The following PALM2AKAP2 variants were observed in gnomAD, a reference collection of about 807,000 sequenced individuals.
PALM2AKAP2 encodes PALM2-AKAP2 fusion protein.
A neutral mutation model predicts 71.5 loss-of-function variants in PALM2AKAP2; 37 were observed. That is an observed-to-expected ratio of 0.52 (90% CI 0.40 to 0.68). The LOEUF is 0.68. Among genes scored for constraint, PALM2AKAP2 ranks in the 30% least tolerant of loss-of-function variants. PALM2AKAP2 has a pLI of 0.00. For missense variants in PALM2AKAP2, 1,224 were observed against 1,191.8 expected, an observed-to-expected ratio of 1.03 and a Z score of -0.40; for synonymous variants, 468 against 478.8, an observed-to-expected ratio of 0.98 and a Z score of 0.29.
intron 1 of PALM2AKAP2, among the ~76,000 whole-genome samples, chr9:109,831,243 C>T (rs933667896): frequency 1.3e-5 from 2 of 151,902 alleles, no homozygotes; most frequent in African/African-American, 4.8e-5. Context: ...CTCCCTCCCA[C>T]TTATAGCGAT....
At chr9:109,982,476 C>T (rs1447638938) in intron 6 of PALM2AKAP2, among the ~76,000 whole-genome samples, 3 of 152,052 alleles carry the variant, frequency 2.0e-5, no homozygotes, top group Non-Finnish European at 4.4e-5. Context: ...GTTTGTAACA[C>T]AAAGAAAGGA....
chr9:110,151,292 C>T (rs1836308494), intron 2 of PALM2AKAP2, among the ~76,000 whole-genome samples: 1 of 152,174 alleles, frequency 6.6e-6, no homozygotes, highest in Non-Finnish European at 1.5e-5. Flanking sequence ...CTCAAGTGAT[C>T]CTCTGACCTC....
chr9:109,953,862 A>G (rs1354268885), intron 6 of PALM2AKAP2, among the ~76,000 whole-genome samples: 2 of 151,210 alleles, frequency 1.3e-5, no homozygotes, highest in East Asian at 3.9e-4. Context: ...AAAAGAAAAG[A>G]AAGTAGTGTG....
At chr9:109,989,374 G>A (rs1832436476) in intron 6 of PALM2AKAP2, among the ~76,000 whole-genome samples, 1 of 152,172 alleles carries the variant, frequency 6.6e-6, no homozygotes, top group Non-Finnish European at 1.5e-5. Context: ...GGATGGTGCA[G>A]TAATTTCCTC....
chr9:109,657,452 TTGTGTGTG>T (rs3062680), intron 1 of PALM2AKAP2, among the ~76,000 whole-genome samples: 1 of 147,214 alleles, frequency 6.8e-6, no homozygotes, highest in African/African-American at 2.5e-5. Flanking sequence ...AATATGGTAT[TTGTGTGTG>T]TGTGTGTGTG....
At chr9:110,154,905 A>G (rs1054944796) in intron 2 of PALM2AKAP2, among the ~76,000 whole-genome samples, 3 of 152,254 alleles carry the variant, frequency 2.0e-5, no homozygotes, top group Non-Finnish European at 4.4e-5. Flanking sequence ...ACTTCTTCCA[A>G]AATTCCCATT....
intron 3 of PALM2AKAP2, among the ~76,000 whole-genome samples, chr9:110,160,569 CT>C (rs1418224536): frequency 6.6e-6 from 1 of 152,208 alleles, no homozygotes; most frequent in East Asian, 1.9e-4. Flanking sequence ...CTAGGAAACT[CT>C]GATTCATTAG....
intron 1 of PALM2AKAP2, among the ~76,000 whole-genome samples, chr9:109,809,158 GAGA>G (rs1249080263): frequency 2.0e-5 from 3 of 152,210 alleles, no homozygotes; most frequent in African/African-American, 4.8e-5. Flanking sequence ...GTGGAGCTGT[GAGA>G]AGAAGGCCAT....
At chr9:109,724,601 T>C (rs1177792428) in intron 1 of PALM2AKAP2, among the ~76,000 whole-genome samples, 1 of 152,194 alleles carries the variant, frequency 6.6e-6, no homozygotes, top group Non-Finnish European at 1.5e-5. Context: ...TGGTGATAGC[T>C]CACATTTATT....
Position 110,130,629 on chromosome 9 carries a change from A to C in PALM2AKAP2, c.157-5498A>C, listed in dbSNP as rs1019325593. 2.6e-5 allele frequency among the ~76,000 whole-genome samples: 4 copies of C among 152,206 alleles called. No homozygotes were observed. In the South Asian group the frequency reaches 8.3e-4, roughly 32 times the overall value. On this transcript the variant is annotated intron_variant, in intron 1 of 3. Transcript: ENST00000374525. ...AAATCTCAGCTCCCTAAATTTCTAG[A>C]TGCTCCAACCCCACCTTGCCTGAAG...
At chr9:109,792,169 G>A (rs933563687) in intron 1 of PALM2AKAP2, among the ~76,000 whole-genome samples, 4 of 152,068 alleles carry the variant, frequency 2.6e-5, no homozygotes, top group Admixed American at 1.3e-4. Context: ...TCAGAGTCAG[G>A]GCTGCTACTT....
intron 5 of PALM2AKAP2, among the ~76,000 whole-genome samples, chr9:109,927,631 C>T (rs901027783): frequency 1.3e-5 from 2 of 152,090 alleles, no homozygotes; most frequent in Admixed American, 6.5e-5. Flanking sequence ...ATAGAGGTAC[C>T]GTACTGCTGG....
intron 6 of PALM2AKAP2, among the ~76,000 whole-genome samples, chr9:109,935,074 T>C (rs1281453650): frequency 2.0e-5 from 3 of 152,216 alleles, no homozygotes; most frequent in African/African-American, 7.2e-5. Flanking sequence ...TTCCCTCCCA[T>C]TTCAAACACG....
chr9:109,984,847 A>G (rs1431994666), intron 6 of PALM2AKAP2, among the ~76,000 whole-genome samples: 2 of 151,860 alleles, frequency 1.3e-5, no homozygotes, highest in Non-Finnish European at 1.5e-5. Flanking sequence ...CACTCCAGCC[A>G]GGGCAACAGA....
intron 1 of PALM2AKAP2, among the ~76,000 whole-genome samples, chr9:110,059,000 A>G (rs371630527): frequency 6.8e-6 from 1 of 147,880 alleles, no homozygotes; most frequent in South Asian, 2.1e-4. Flanking sequence ...CCTGGGTTCA[A>G]GCGATTCTGC....
chr9:109,746,217 T>C (rs886811086), intron 1 of PALM2AKAP2, among the ~76,000 whole-genome samples: 3 of 152,326 alleles, frequency 2.0e-5, no homozygotes, highest in East Asian at 3.9e-4. Flanking sequence ...ACTGTGCTCT[T>C]GGTCCCAGGA....
intron 3 of PALM2AKAP2, among the ~76,000 whole-genome samples, chr9:110,161,482 A>G (rs1452595870): frequency 6.6e-6 from 1 of 152,086 alleles, no homozygotes; most frequent in African/African-American, 2.4e-5. Flanking sequence ...CATACTAATA[A>G]TCCTATATAA....
chr9:109,927,885 C>A (rs1300033545), intron 5 of PALM2AKAP2, among the ~76,000 whole-genome samples: 2 of 152,134 alleles, frequency 1.3e-5, no homozygotes, highest in Non-Finnish European at 2.9e-5. Flanking sequence ...CTGTTCTTTA[C>A]CCACTGAGGA....
Position 109,702,271 on chromosome 9 carries a change from G to A in PALM2AKAP2, c.5+61405G>A, listed in dbSNP as rs548720338. 1.1e-3 allele frequency among the ~76,000 whole-genome samples: 169 copies of A among 152,216 alleles called. 1 individual carries two copies. Among genetic ancestry groups the A allele is most frequent in the African/African-American group, 3.8e-3 (158 of 41,542 alleles). ...TACCCAAAGGATTATAAATCATGCT[G>A]CTATAAAGACATATGCACACGTATG... On this transcript the variant is annotated intron_variant, in intron 1 of 6. Transcript: ENST00000374531.
Sources: allele counts gnomAD v4.1 joint callset (sites outside exome capture counted in the v4.1 genomes callset), GRCh38; gene constraint gnomAD v4.1.1; transcripts MANE v1.5; gene names NCBI Gene and HGNC (gene_info 2026-07-23, HGNC 2026-07-21).